The following DHX15 variants were observed in gnomAD, a reference collection of about 807,000 sequenced individuals.
DHX15 encodes the protein ATP-dependent RNA helicase DHX15.
DHX15 carries 11 observed loss-of-function variants against 94.4 expected under a neutral mutation model. That is an observed-to-expected ratio of 0.12 (90% CI 0.07 to 0.19). DHX15 has a LOEUF of 0.19. DHX15 is among the 10% of genes least tolerant of loss of function. The pLI is 1.00. For synonymous variants in DHX15, 338 were observed against 329.9 expected (o/e 1.02, Z -0.27); for missense variants, 304 against 988.5 (o/e 0.31, Z 9.29).
intron 3 of DHX15, among the ~76,000 whole-genome samples, chr4:24,564,371 G>A (rs1721950471): frequency 6.6e-6 from 1 of 152,156 alleles, no homozygotes; most frequent in Admixed American, 6.5e-5. Flanking sequence ...TACGTGTGCT[G>A]TCAATTAAGA....
chr4:24,583,985 G>A (rs1722542961), intron 1 of DHX15, among the ~76,000 whole-genome samples: 1 of 152,196 alleles, frequency 6.6e-6, no homozygotes, highest in Admixed American at 6.5e-5. Flanking sequence ...CCTTCCTCGG[G>A]AACCGAGGCC....
Position 24,527,850 on chromosome 4 carries a change from G to A in DHX15, c.*74C>T, listed in dbSNP as rs531501870. 1.9e-6 allele frequency: 2 copies of A among 1,062,864 alleles called. No homozygotes were observed. Among genetic ancestry groups the A allele is most frequent in the South Asian group, 2.7e-5 (2 of 75,182 alleles). The allele number at this position is 1,062,864 out of a possible 1,614,324, so 65.8% of individuals were successfully genotyped here. On this transcript the variant is annotated 3_prime_UTR_variant, in exon 14 of 14. Transcript: ENST00000336812. ...GGCCATTATCGAACCAACGTGAAGA[G>A]CACAACTCGAACTTTTGAGTTCATT...
intron 5 of DHX15, among the ~76,000 whole-genome samples, chr4:24,552,035 G>A (rs896484310): frequency 2.0e-5 from 3 of 152,176 alleles, no homozygotes; most frequent in African/African-American, 7.2e-5. Flanking sequence ...TAAGTTTTTA[G>A]ATAAAGTCCT....
At chr4:24,547,346 C>T (rs1721446744) in intron 6 of DHX15, among the ~76,000 whole-genome samples, 1 of 152,230 alleles carries the variant, frequency 6.6e-6, no homozygotes, top group South Asian at 2.1e-4. Flanking sequence ...CCAGCCACTG[C>T]TGAGTCACTC....
intron 12 of DHX15, chr4:24,530,328 A>G (rs1263615656): frequency 1.9e-5 from 3 of 155,214 alleles, no homozygotes; most frequent in Non-Finnish European, 2.8e-5. Flanking sequence ...CAGTAATCCC[A>G]GCACTTTGGG....
At chr4:24,554,596 C>T (rs1187913778) in intron 5 of DHX15, 129 bp downstream of exon 5, 2 of 680,232 alleles carry the variant, frequency 2.9e-6, no homozygotes, top group South Asian at 1.9e-5. Flanking sequence ...ATATATTTTA[C>T]ATATTAATAC....
chr4:24,530,038 C>T (rs1034276250), intron 12 of DHX15: 7 of 500,324 alleles, frequency 1.4e-5, no homozygotes, highest in Non-Finnish European at 2.5e-5. Flanking sequence ...AAAAACATTC[C>T]GTGAAGCATG....
At chr4:24,582,972 A>G (rs1722452285) in intron 1 of DHX15, among the ~76,000 whole-genome samples, 2 of 152,222 alleles carry the variant, frequency 1.3e-5, no homozygotes, top group Admixed American at 6.5e-5. Flanking sequence ...TTTCTATTGA[A>G]TAATTCAACA....
intron 3 of DHX15, among the ~76,000 whole-genome samples, chr4:24,559,721 G>A (rs1430859244): frequency 1.3e-5 from 2 of 152,100 alleles, no homozygotes; most frequent in Non-Finnish European, 1.5e-5. Flanking sequence ...AACTGTTTTA[G>A]GGCAGAGATG....
chr4:24,535,088 AC>A (rs1721166190), intron 11 of DHX15, among the ~76,000 whole-genome samples: 1 of 151,962 alleles, frequency 6.6e-6, no homozygotes, highest in South Asian at 2.1e-4. Context: ...ACCCCTAAAA[AC>A]CACCAATGGC....
chr4:24,574,205 C>CGAAAAAAAAAAAAAAAAAA, intron 2 of DHX15, among the ~76,000 whole-genome samples: 1 of 68,876 alleles, frequency 1.5e-5, no homozygotes, highest in Non-Finnish European at 2.8e-5. Context: ...GACTTTGTCT[C>CGAAAAAAAAAAAAAAAAAA]AAAAAAAAAA....
chr4:24,584,498 T>A lies in DHX15; in HGVS notation c.-105A>T. The stretch of plus-strand genomic sequence containing the variant: ...TCTGGAGGACCCCCACCCCTCCCGC[T>A]ACTACAGCCCACACGGTGCGGCCGG... On this transcript the variant is annotated 5_prime_UTR_variant, in exon 1 of 14. Transcript: ENST00000336812. The A allele has an allele frequency of 8.9e-7, 1 of 1,125,872 alleles. No individual in the cohort carries two copies. The highest frequency in any genetic ancestry group is 1.3e-6 in the Non-Finnish European group (1 of 792,660). 69.7% of individuals were successfully genotyped at this position (1,125,872 alleles called of 1,614,324 possible).
intron 11 of DHX15, chr4:24,533,978 T>C (rs1345882119): frequency 6.6e-6 from 1 of 152,234 alleles, no homozygotes; most frequent in East Asian, 1.9e-4. Flanking sequence ...TTATAGTGTA[T>C]AACTCTGCCT....
At chr4:24,540,382 C>G in intron 9 of DHX15, 83 bp from the exon 10 acceptor site, 2 of 1,209,770 alleles carry the variant, frequency 1.7e-6, no homozygotes, top group Admixed American at 2.6e-5. Context: ...TAAGCAATCT[C>G]ATTTTTCATT....
chr4:24,547,092 AG>A (rs1721441750), intron 6 of DHX15, among the ~76,000 whole-genome samples: 1 of 152,222 alleles, frequency 6.6e-6, no homozygotes, highest in South Asian at 2.1e-4. Flanking sequence ...GCAACTGCCA[AG>A]GAAGTCTTCC....
At chr4:24,555,211 G>A (rs1045793124) in intron 4 of DHX15, among the ~76,000 whole-genome samples, 1 of 151,306 alleles carries the variant, frequency 6.6e-6, no homozygotes, top group African/African-American at 2.4e-5. Flanking sequence ...AAAATTATAT[G>A]TAATTCAGAT....
chr4:24,584,377 C>T lies in DHX15; in HGVS notation c.17G>A (p.Arg6Gln). The T allele has an allele frequency of 6.2e-7, 1 of 1,612,950 alleles. No homozygotes were observed. Among genetic ancestry groups the T allele is most frequent in the Non-Finnish European group, 8.5e-7 (1 of 1,179,540 alleles). MSKRH[R>Q]LDLGEDYPSG... Reference sequence around the variant, plus strand: ...GGGGTAATCCTCCCCTAGGTCCAACCGGTGCCGCTTGGACATCCTCGCACT... The same window carrying T: ...GGGGTAATCCTCCCCTAGGTCCAACTGGTGCCGCTTGGACATCCTCGCACT... Residue 6 changes from arginine to glutamine, a missense_variant, in exon 1 of 14, where the codon CGG becomes CAG. Transcript: ENST00000336812.
chr4:24,569,439 A>G (rs1290961116), intron 3 of DHX15, among the ~76,000 whole-genome samples: 2 of 151,970 alleles, frequency 1.3e-5, no homozygotes, highest in Non-Finnish European at 2.9e-5. Context: ...AAAGATACAA[A>G]AAGTTAGCCA....
At chr4:24,542,076 G>A in intron 7 of DHX15, 54 bp from the exon 8 acceptor site, 1 of 1,475,138 alleles carries the variant, frequency 6.8e-7, no homozygotes, top group Non-Finnish European at 9.2e-7. Flanking sequence ...ACAAAATTGT[G>A]ATGCAACAGA....
Sources: gnomAD v4.1 joint callset for allele counts (sites outside exome capture counted in the v4.1 genomes callset) on GRCh38, gnomAD v4.1.1 for gene constraint, MANE v1.5 for transcripts, NCBI Gene and HGNC (gene_info 2026-07-23, HGNC 2026-07-21) for gene names.